Variants in GALK2 observed in about 807,000 individuals in gnomAD.
GALK2 encodes N-acetylgalactosamine kinase.
A neutral mutation model predicts 52.4 loss-of-function variants in GALK2; 36 were observed. That is an observed-to-expected ratio of 0.69 (90% confidence interval 0.53 to 0.91). The LOEUF (loss-of-function observed/expected upper bound fraction) is 0.91, where lower values mean the gene tolerates loss of function less well. Among genes scored for constraint, GALK2 ranks in the 40% least tolerant of loss-of-function variants. The pLI is 0.00. For missense variants in GALK2, 579 were observed against 559.1 expected (o/e 1.04, Z -0.36); for synonymous variants, 176 against 199.1 (o/e 0.88, Z 0.98).
chr15:49,342,238 T>C (rs1174078793), intron 3 of GALK2, among the ~76,000 whole-genome samples: 1 of 152,236 alleles, frequency 6.6e-6, no homozygotes, highest in African/African-American at 2.4e-5. Flanking sequence ...ATATTTAGGA[T>C]AGTTAAGTTT....
At chr15:49,276,759 C>T (rs1211684639) in intron 5 of GALK2, among the ~76,000 whole-genome samples, 1 of 152,190 alleles carries the variant, frequency 6.6e-6, no homozygotes, top group African/African-American at 2.4e-5. Context: ...TAATGGTTCT[C>T]TGAGTTCAGG....
At chr15:49,182,018 GTTA>G in intron 1 of GALK2, among the ~76,000 whole-genome samples, 1 of 151,916 alleles carries the variant, frequency 6.6e-6, no homozygotes, top group South Asian at 2.1e-4. Flanking sequence ...TAATCTTTTA[GTTA>G]TTATAAAATG....
At chr15:49,168,104 C>T (rs1233706658), upstream of GALK2, among the ~76,000 whole-genome samples, 1 of 152,094 alleles carries the variant, frequency 6.6e-6, no homozygotes, top group Non-Finnish European at 1.5e-5. Context: ...TTACTTTGTG[C>T]CAATCATTTC....
intron 3 of GALK2, among the ~76,000 whole-genome samples, chr15:49,219,201 C>T (rs1202148879): frequency 4.6e-5 from 7 of 152,180 alleles, no homozygotes; most frequent in African/African-American, 9.7e-5. Context: ...ACAATTCCCA[C>T]GTGTCCTGGG....
upstream of GALK2, chr15:49,169,120 C>T (rs2084923895): frequency 6.6e-6 from 1 of 151,918 alleles, no homozygotes; most frequent in Non-Finnish European, 1.5e-5. Context: ...TACATGTATA[C>T]AGAAGGGGGA....
intron 8 of GALK2, among the ~76,000 whole-genome samples, chr15:49,303,212 A>C (rs1158551826): frequency 5.3e-5 from 8 of 152,146 alleles, no homozygotes. Flanking sequence ...TTCCTCTTTC[A>C]GATGTGTGCG....
At chr15:49,319,119 A>C (rs928433910) in intron 8 of GALK2, 4 of 366,932 alleles carry the variant, frequency 1.1e-5, no homozygotes, top group Admixed American at 7.3e-5. Flanking sequence ...ATGCCCAGGT[A>C]ATTTTTGTAC....
intron 9 of GALK2, 123 bp from the exon 10 acceptor site, chr15:49,327,829 A>G (rs780760318): frequency 2.4e-6 from 2 of 835,064 alleles, no homozygotes; most frequent in Non-Finnish European, 1.8e-6. Context: ...GTTTGATGAC[A>G]CCTAAAAACC....
chr15:49,366,738 G>A (rs929916861), intron 3 of GALK2: 6 of 925,564 alleles, frequency 6.5e-6, no homozygotes, highest in Admixed American at 4.3e-5. Context: ...AGGTGGGGTA[G>A]GCTGGGAGTC....
intron 1 of GALK2, among the ~76,000 whole-genome samples, chr15:49,180,780 T>A (rs1057170340): frequency 6.6e-6 from 1 of 152,160 alleles, no homozygotes; most frequent in Non-Finnish European, 1.5e-5. Flanking sequence ...TGCTTCACCG[T>A]ACCCCACCTG....
At chr15:49,264,989 G>A (rs938719685) in intron 5 of GALK2, among the ~76,000 whole-genome samples, 18 of 152,220 alleles carry the variant, frequency 1.2e-4, no homozygotes, top group African/African-American at 4.3e-4. Flanking sequence ...CCCTACTGGG[G>A]GGTGCCTCCC....
At chr15:49,348,644 T>C (rs1013492788) in intron 3 of GALK2, among the ~76,000 whole-genome samples, 1 of 152,186 alleles carries the variant, frequency 6.6e-6, no homozygotes, top group African/African-American at 2.4e-5. Flanking sequence ...ACTTTCTCCT[T>C]TGTCTGCCCA....
chr15:49,171,734 A>G (rs1429177441), intron 1 of GALK2, among the ~76,000 whole-genome samples: 1 of 151,564 alleles, frequency 6.6e-6, no homozygotes, highest in Non-Finnish European at 1.5e-5. Flanking sequence ...TTAATGAGAA[A>G]TTTGTTACAT....
chr15:49,188,932 G>A (rs1014720995), intron 1 of GALK2, among the ~76,000 whole-genome samples: 3 of 152,184 alleles, frequency 2.0e-5, no homozygotes, highest in Non-Finnish European at 2.9e-5. Context: ...GAAGCACAAG[G>A]AAACAGCATA....
intron 2 of GALK2, among the ~76,000 whole-genome samples, chr15:49,206,436 A>G (rs2088293403): frequency 1.3e-5 from 2 of 151,914 alleles, no homozygotes; most frequent in East Asian, 1.9e-4. Context: ...TTTTCACAAT[A>G]TTGATTCTAC....
rs2084687747 is a variant in GALK2 at position 49,162,523 on chromosome 15, T to C, written c.20+6507T>C. Among the ~76,000 whole-genome samples the C allele has an allele frequency of 3.3e-5, 5 of 152,248 alleles. No individual in the cohort carries two copies. In the South Asian group the frequency reaches 8.3e-4, roughly 25 times the overall value. On this transcript the variant is annotated intron_variant, in intron 1 of 9. Transcript: ENST00000327171. ...TTTATGGTAGACAGACTCTGGTGGC[T>C]ACCCATTATCTATTTCCTTGAATAA...
chr15:49,274,811 A>T (rs147228317), intron 5 of GALK2, among the ~76,000 whole-genome samples: 94 of 152,234 alleles, frequency 6.2e-4, no homozygotes, highest in African/African-American at 2.2e-3. Flanking sequence ...ACTAAAACAG[A>T]GTCAGGATCA....
intron 1 of GALK2, among the ~76,000 whole-genome samples, chr15:49,179,863 C>G (rs2085826400): frequency 6.6e-6 from 1 of 151,962 alleles, no homozygotes; most frequent in Non-Finnish European, 1.5e-5. Flanking sequence ...GGTAGCTCAC[C>G]TAGAGGTAAA....
chr15:49,184,866 C>T (rs933775006), intron 1 of GALK2, among the ~76,000 whole-genome samples: 1 of 152,056 alleles, frequency 6.6e-6, no homozygotes, highest in Non-Finnish European at 1.5e-5. Context: ...ATGTTTTAGT[C>T]TTTCTACTCA....
Sources: allele counts gnomAD v4.1 joint callset (sites outside exome capture counted in the v4.1 genomes callset), GRCh38; gene constraint gnomAD v4.1.1; transcripts MANE v1.5; gene names NCBI Gene and HGNC (gene_info 2026-07-23, HGNC 2026-07-21).